Variants in SPAG16 observed in about 807,000 individuals in gnomAD.
SPAG16 encodes sperm associated antigen 16.
SPAG16 carries 86 observed loss-of-function variants against 80.4 expected under a neutral mutation model. The ratio of observed to expected loss-of-function variants is 1.07; its 90% CI spans 0.90 to 1.28. The LOEUF is 1.28. Ranked by LOEUF, SPAG16 falls within the 50% of genes most tolerant of loss-of-function variation. The pLI is 0.00. For missense variants in SPAG16, 870 were observed against 765.3 expected (o/e 1.14, Z -1.61); for synonymous variants, 294 against 265.9 (o/e 1.11, Z -1.03).
At chr2:213,770,895 G>T (rs1245763732) in intron 10 of SPAG16, among the ~76,000 whole-genome samples, 1 of 152,086 alleles carries the variant, frequency 6.6e-6, no homozygotes, top group Non-Finnish European at 1.5e-5. Context: ...CCCTGTGTTT[G>T]CTATTTTGAA....
chr2:213,385,412 T>C (rs539235305), intron 9 of SPAG16, among the ~76,000 whole-genome samples: 1 of 152,186 alleles, frequency 6.6e-6, no homozygotes, highest in East Asian at 1.9e-4. Flanking sequence ...CTTTATATTC[T>C]ACCTCTCTTA....
intron 15 of SPAG16, among the ~76,000 whole-genome samples, chr2:214,242,399 C>A (rs1208613481): frequency 6.6e-6 from 1 of 152,112 alleles, no homozygotes; most frequent in East Asian, 1.9e-4. Flanking sequence ...CTATGGTAAT[C>A]CTACAAATTC....
At chr2:213,809,190 C>T (rs4673761) in intron 10 of SPAG16, among the ~76,000 whole-genome samples, 91,191 of 152,016 alleles carry the variant, frequency 0.6, 29,461 homozygotes, top group South Asian at 0.86. Context: ...TTTATGTCAT[C>T]GGGAAATCTG....
chr2:214,197,001 G>A (rs188594883), intron 15 of SPAG16, among the ~76,000 whole-genome samples: 1 of 152,010 alleles, frequency 6.6e-6, no homozygotes, highest in Admixed American at 6.6e-5. Flanking sequence ...AAATCTAACA[G>A]CCATAATTAA....
At chr2:213,330,789 G>C (rs894992277) in intron 5 of SPAG16, among the ~76,000 whole-genome samples, 1 of 152,146 alleles carries the variant, frequency 6.6e-6, no homozygotes, top group African/African-American at 2.4e-5. Flanking sequence ...CATGTGTTGT[G>C]GGAGGGACCC....
chr2:214,080,715 T>C (rs147242923), intron 13 of SPAG16, among the ~76,000 whole-genome samples: 85 of 152,288 alleles, frequency 5.6e-4, no homozygotes, highest in African/African-American at 2.0e-3. Flanking sequence ...AATATTTTAA[T>C]TGTCTAATTT....
chr2:213,666,268 G>T (rs2063598694), intron 10 of SPAG16, among the ~76,000 whole-genome samples: 1 of 151,834 alleles, frequency 6.6e-6, no homozygotes, highest in African/African-American at 2.4e-5. Flanking sequence ...TTGTTACTTT[G>T]TTAACTAATC....
intron 12 of SPAG16, among the ~76,000 whole-genome samples, chr2:213,932,946 G>GAA (rs1470645022): frequency 1.3e-5 from 1 of 75,396 alleles, no homozygotes; most frequent in Non-Finnish European, 2.8e-5. Context: ...ATGGTTGTTT[G>GAA]AAAACACACA....
intron 15 of SPAG16, among the ~76,000 whole-genome samples, chr2:214,367,532 G>A (rs1699552216): frequency 6.6e-6 from 1 of 152,156 alleles, no homozygotes. Flanking sequence ...CCTAAAAGCG[G>A]AAAAGGCTTC....
chr2:213,354,573 G>A (rs549555307), intron 7 of SPAG16, among the ~76,000 whole-genome samples: 6 of 152,146 alleles, frequency 3.9e-5, no homozygotes, highest in East Asian at 1.9e-4. Flanking sequence ...TTTAATGATC[G>A]CCATTGCAAC....
chr2:213,322,129 C>T (rs2063641116), intron 5 of SPAG16, among the ~76,000 whole-genome samples: 1 of 150,422 alleles, frequency 6.6e-6, no homozygotes, highest in Non-Finnish European at 1.5e-5. Flanking sequence ...TATAAAACAC[C>T]ACTTAGAATT....
At chr2:214,175,676 T>C (rs1207937175) in intron 15 of SPAG16, among the ~76,000 whole-genome samples, 1 of 151,528 alleles carries the variant, frequency 6.6e-6, no homozygotes, top group African/African-American at 2.4e-5. Flanking sequence ...ATATATATGC[T>C]TTTAAAAAAT....
intron 9 of SPAG16, among the ~76,000 whole-genome samples, chr2:213,481,151 T>C (rs1559176098): frequency 6.6e-6 from 1 of 152,174 alleles, no homozygotes; most frequent in African/African-American, 2.4e-5. Flanking sequence ...GGTCTCTGTT[T>C]TGTAGAGATT....
chr2:213,505,904 CT>C (rs924501821), intron 10 of SPAG16, among the ~76,000 whole-genome samples: 8 of 151,532 alleles, frequency 5.3e-5, no homozygotes, highest in African/African-American at 1.9e-4. Context: ...GTTTATATAT[CT>C]GATTAATATT....
intron 15 of SPAG16, among the ~76,000 whole-genome samples, chr2:214,165,469 CTTTTTTTTTTTTTTTTTTTT>C (rs67726428): frequency 2.1e-4 from 8 of 37,856 alleles, no homozygotes; most frequent in Admixed American, 8.8e-4. Context: ...CATCACCATC[CTTTTTTTTTTTTTTTTTTTT>C]TTTTTTTTTT....
chr2:213,449,896 T>C (rs1680673260), intron 9 of SPAG16, among the ~76,000 whole-genome samples: 1 of 152,186 alleles, frequency 6.6e-6, no homozygotes, highest in South Asian at 2.1e-4. Flanking sequence ...GTTTCCAGAG[T>C]TAATAATTTA....
intron 13 of SPAG16, among the ~76,000 whole-genome samples, chr2:214,057,934 T>G (rs969782836): frequency 6.6e-6 from 1 of 152,126 alleles, no homozygotes; most frequent in Non-Finnish European, 1.5e-5. Context: ...GTTTTTTTTT[T>G]TCCTCTCTCA....
At chr2:213,927,807 TTTATCCTA>T (rs1298975449) in intron 11 of SPAG16, among the ~76,000 whole-genome samples, 2 of 152,114 alleles carry the variant, frequency 1.3e-5, no homozygotes, top group African/African-American at 4.8e-5. Flanking sequence ...CACAATAATT[TTTATCCTA>T]TGCTAAGATT....
intron 15 of SPAG16, among the ~76,000 whole-genome samples, chr2:214,254,348 A>G (rs1164196534): frequency 6.6e-6 from 1 of 152,154 alleles, no homozygotes; most frequent in Admixed American, 6.6e-5. Context: ...AAGAGGGGGC[A>G]TCCTTGTCTT....
Sources: gnomAD v4.1 joint callset for allele counts (sites outside exome capture counted in the v4.1 genomes callset) on GRCh38, gnomAD v4.1.1 for gene constraint, MANE v1.5 for transcripts, NCBI Gene and HGNC (gene_info 2026-07-23, HGNC 2026-07-21) for gene names.